ARHGAP12: variants seen among roughly 807,000 people sequenced by gnomAD.
The protein encoded by ARHGAP12 is Rho GTPase activating protein 12.
ARHGAP12 carries 64 observed loss-of-function variants against 108.6 expected under a neutral mutation model. That is an observed-to-expected ratio of 0.59 (90% confidence interval 0.48 to 0.73). The LOEUF (loss-of-function observed/expected upper bound fraction) is 0.73. Among genes scored for constraint, ARHGAP12 ranks in the 30% least tolerant of loss-of-function variants. The pLI is 0.00. For synonymous variants in ARHGAP12, 312 were observed against 337.2 expected (o/e 0.93, Z 0.82); for missense variants, 940 against 1,005.9 (o/e 0.93, Z 0.89).
At chr10:31,825,538 T>C (rs901476712) in intron 11 of ARHGAP12, among the ~76,000 whole-genome samples, 3 of 152,278 alleles carry the variant, frequency 2.0e-5, no homozygotes, top group Middle Eastern at 3.4e-3. Flanking sequence ...TGCCACTTGG[T>C]AGCTGTAAGA....
intron 15 of ARHGAP12, among the ~76,000 whole-genome samples, chr10:31,811,418 A>C (rs1479155491): frequency 6.6e-6 from 1 of 152,198 alleles, no homozygotes; most frequent in Non-Finnish European, 1.5e-5. Flanking sequence ...TTAGTGGTAA[A>C]TGTTCAGGAA....
At chr10:31,842,817 C>T (rs1329361609) in intron 7 of ARHGAP12, among the ~76,000 whole-genome samples, 1 of 152,046 alleles carries the variant, frequency 6.6e-6, no homozygotes, top group Non-Finnish European at 1.5e-5. Context: ...ATACTAAGTT[C>T]CCAACTTATC....
chr10:31,816,964 A>C (rs758876225), intron 13 of ARHGAP12, among the ~76,000 whole-genome samples: 71 of 152,198 alleles, frequency 4.7e-4, no homozygotes, highest in Non-Finnish European at 6.3e-4. Flanking sequence ...TATCAGTAGT[A>C]TCTTTCATTT....
chr10:31,905,769 C>G (rs1839109188), intron 3 of ARHGAP12, among the ~76,000 whole-genome samples: 1 of 151,940 alleles, frequency 6.6e-6, no homozygotes, highest in African/African-American at 2.4e-5. Context: ...TTTGATTGCA[C>G]AGGAAACACT....
intron 3 of ARHGAP12, among the ~76,000 whole-genome samples, chr10:31,889,378 A>G (rs1019821867): frequency 1.2e-4 from 19 of 152,180 alleles, no homozygotes; most frequent in African/African-American, 4.1e-4. Context: ...TAATCATCTA[A>G]GTGACCTTAC....
At chr10:31,833,827 G>A (rs539509951) in intron 9 of ARHGAP12, among the ~76,000 whole-genome samples, 1 of 152,186 alleles carries the variant, frequency 6.6e-6, no homozygotes, top group Admixed American at 6.5e-5. Flanking sequence ...AGGCACAGGG[G>A]CTAAAGACAG....
At chr10:31,861,244 T>C (rs1022814753) in intron 4 of ARHGAP12, 151 bp downstream of exon 4, 3 of 955,556 alleles carry the variant, frequency 3.1e-6, no homozygotes, top group Non-Finnish European at 4.5e-6. Context: ...ATTAATATTT[T>C]AGTAAAGCTT....
At chr10:31,869,131 A>T (rs543660694) in intron 3 of ARHGAP12, among the ~76,000 whole-genome samples, 2 of 152,226 alleles carry the variant, frequency 1.3e-5, no homozygotes, top group Non-Finnish European at 2.9e-5. Context: ...AAGCAGTAAG[A>T]TATAAGTACT....
intron 3 of ARHGAP12, among the ~76,000 whole-genome samples, chr10:31,863,672 A>C (rs1176510169): frequency 6.6e-6 from 1 of 152,126 alleles, no homozygotes; most frequent in Non-Finnish European, 1.5e-5. Flanking sequence ...ATCCTAAATA[A>C]AACATTAGAA....
chr10:31,926,694 G>A (rs554113275), intron 1 of ARHGAP12, among the ~76,000 whole-genome samples: 1 of 152,220 alleles, frequency 6.6e-6, no homozygotes, highest in African/African-American at 2.4e-5. Flanking sequence ...CTTACGTAGA[G>A]TACTTAAAAA....
chr10:31,908,053 T>G (rs1839207133), intron 3 of ARHGAP12, 119 bp downstream of exon 3: 1 of 948,728 alleles, frequency 1.1e-6, no homozygotes, highest in African/African-American at 1.7e-5. Context: ...ATAGAACCCA[T>G]GTACTCTGAA....
chr10:31,909,071 C>T, intron 2 of ARHGAP12, 145 bp from the exon 3 acceptor site: 1 of 515,146 alleles, frequency 1.9e-6, no homozygotes, highest in Non-Finnish European at 3.4e-6. Flanking sequence ...CATGTGTCTA[C>T]TATCATATGC....
intron 3 of ARHGAP12, among the ~76,000 whole-genome samples, chr10:31,881,613 A>G (rs1167916345): frequency 6.6e-6 from 1 of 152,208 alleles, no homozygotes; most frequent in African/African-American, 2.4e-5. Context: ...CTTGCCAATC[A>G]TCTCAATACC....
chr10:31,885,350 G>A (rs539207619), intron 3 of ARHGAP12, among the ~76,000 whole-genome samples: 5 of 152,222 alleles, frequency 3.3e-5, no homozygotes, highest in South Asian at 2.1e-4. Context: ...GAAAACACAC[G>A]TTAAGTATCT....
At position 31,920,105 on chromosome 10, in the gene ARHGAP12, C is replaced by CA. The variant is rs568653205; in HGVS notation, c.-111+8577dup. ...TGGGTGACAGAGCAAGACTCTGTCT[C>CA]AAAAAAAAAAAAAAGTAAATACTAA... On this transcript the variant is annotated intron_variant, in intron 1 of 19. Coordinates refer to ENST00000344936, the MANE Select transcript of ARHGAP12 (RefSeq NM_018287.7). 2.4e-3 allele frequency among the ~76,000 whole-genome samples: 270 copies of CA among 113,736 alleles called. 1 individual carries two copies. Among genetic ancestry groups the CA allele is most frequent in the Middle Eastern group, 5.3e-3 (1 of 188 alleles). The allele number at this position is 113,736 out of a possible 152,430, so 74.6% of individuals were successfully genotyped here. A position where few individuals can be genotyped will look rare whatever the true frequency, so the allele number is the denominator to read the frequency against.
chr10:31,883,315 C>T (rs773504420), intron 3 of ARHGAP12, among the ~76,000 whole-genome samples: 55 of 152,120 alleles, frequency 3.6e-4, no homozygotes, highest in Non-Finnish European at 6.8e-4. Flanking sequence ...GAAATACCTA[C>T]TCTTTTAAGA....
intron 3 of ARHGAP12, among the ~76,000 whole-genome samples, chr10:31,893,568 G>A (rs1026418063): frequency 3.5e-4 from 52 of 150,442 alleles, no homozygotes; most frequent in Admixed American, 1.5e-3. Flanking sequence ...TCTCTGAATA[G>A]ACCAATAACA....
At chr10:31,889,625 T>G (rs998971087) in intron 3 of ARHGAP12, among the ~76,000 whole-genome samples, 249 of 133,792 alleles carry the variant, frequency 1.9e-3, no homozygotes, top group African/African-American at 7.4e-3. Context: ...TCTCGTTTTT[T>G]TTTTTTTTTT....
Position 31,807,655 on chromosome 10 carries a change from G to C in ARHGAP12, c.*3C>G, listed in dbSNP as rs1251657664. On this transcript the variant is annotated 3_prime_UTR_variant, in exon 20 of 20. Transcript: ENST00000344936. The stretch of plus-strand genomic sequence containing the variant: ...CTATTCCACAGGTTGTCTTCAGTAA[G>C]AATCAACGTCCGAAGATGGAACTCA... The C allele has an allele frequency of 1.3e-6, 2 of 1,599,484 alleles. No homozygotes were observed. Among genetic ancestry groups the C allele is most frequent in the African/African-American group, 1.4e-5 (1 of 73,998 alleles).
Sources: gnomAD v4.1 joint callset for allele counts (sites outside exome capture counted in the v4.1 genomes callset) on GRCh38, gnomAD v4.1.1 for gene constraint, MANE v1.5 for transcripts, NCBI Gene and HGNC (gene_info 2026-07-23, HGNC 2026-07-21) for gene names.